NLRP8: variants seen among roughly 807,000 people sequenced by gnomAD.
The protein encoded by NLRP8 is NACHT, LRR and PYD domains-containing protein 8.
NLRP8 carries 86 observed loss-of-function variants against 88.7 expected under a neutral mutation model. The ratio of observed to expected loss-of-function variants is 0.97; its 90% CI spans 0.81 to 1.16. The LOEUF (loss-of-function observed/expected upper bound fraction) is 1.16, where lower values mean the gene tolerates loss of function less well. NLRP8 is among the 50% of genes most tolerant of loss of function. The pLI, the probability that NLRP8 is intolerant of heterozygous loss-of-function variation, is 0.00. For synonymous variants in NLRP8, 504 were observed against 494.6 expected (o/e 1.02, Z -0.25); for missense variants, 1,342 against 1,286.5 (o/e 1.04, Z -0.66).
chr19:55,950,505 C>T (rs2123181310), intron 1 of NLRP8, among the ~76,000 whole-genome samples: 1 of 152,198 alleles, frequency 6.6e-6, no homozygotes, highest in Admixed American at 6.5e-5. Context: ...CGTGAATGTG[C>T]CTACTCATTA....
chr19:55,987,134 C>G (rs1214118482), intron 9 of NLRP8, among the ~76,000 whole-genome samples: 1 of 152,106 alleles, frequency 6.6e-6, no homozygotes, highest in African/African-American at 2.4e-5. Flanking sequence ...TTTGGGAGGC[C>G]GAGGCAGGTG....
intron 5 of NLRP8, among the ~76,000 whole-genome samples, chr19:55,968,056 A>G (rs137998111): frequency 6.6e-6 from 1 of 152,358 alleles, no homozygotes; most frequent in Admixed American, 6.5e-5. Context: ...CTGTGTTCCA[A>G]TAAAACTTTA....
chr19:55,979,557 G>A lies in NLRP8; in HGVS notation c.3040G>A (p.Val1014Ile). ...CTCAAGCCAAAAGAAGAGAGAAGAGGTCATTTTGTAAGTCTCCACCGGGTT... is the reference window on the plus strand; with the variant it reads ...CTCAAGCCAAAAGAAGAGAGAAGAGATCATTTTGTAAGTCTCCACCGGGTT... Residue 1014 changes from valine (V) to isoleucine (I), a missense_variant, in exon 9 of 10, where the codon GTC (valine) becomes ATC (isoleucine). By Grantham distance (29) the Val-to-Ile change is conservative. Transcript: ENST00000291971. The A allele has an allele frequency of 1.2e-6, 2 of 1,614,148 alleles. No homozygotes were observed. Among genetic ancestry groups the A allele is most frequent in the Non-Finnish European group, 1.7e-6 (2 of 1,180,018 alleles).
intron 9 of NLRP8, among the ~76,000 whole-genome samples, chr19:55,986,775 A>C (rs945687785): frequency 6.6e-6 from 1 of 151,570 alleles, no homozygotes; most frequent in Non-Finnish European, 1.5e-5. Flanking sequence ...CGTGATTGCC[A>C]GCTGGCCCAG....
At chr19:55,978,566 C>A (rs1337057964) in intron 8 of NLRP8, among the ~76,000 whole-genome samples, 2 of 152,084 alleles carry the variant, frequency 1.3e-5, no homozygotes, top group African/African-American at 4.8e-5. Flanking sequence ...TATACAGCCA[C>A]TCATCCCACT....
At chr19:55,981,766 C>A (rs1600318602) in intron 9 of NLRP8, among the ~76,000 whole-genome samples, 1 of 152,306 alleles carries the variant, frequency 6.6e-6, no homozygotes, top group African/African-American at 2.4e-5. Context: ...TAACTAACTA[C>A]TACATTCTTA....
rs116814248 is a variant in NLRP8 at position 55,957,084 on chromosome 19, C to T, written c.2042+984C>T. On this transcript the variant is annotated intron_variant, in intron 3 of 9. Coordinates refer to ENST00000291971, the MANE Select transcript of NLRP8 (RefSeq NM_176811.2). Reference sequence around the variant, plus strand: ...CTGGAATTACAGGCATGAGCCGCTGCGCCCAGCCTCACTCCTACTTTTGTG... The same window carrying T: ...CTGGAATTACAGGCATGAGCCGCTGTGCCCAGCCTCACTCCTACTTTTGTG... 6.4e-3 allele frequency among the ~76,000 whole-genome samples: 977 copies of T among 152,280 alleles called. 13 individuals carry two copies. The highest frequency in any genetic ancestry group is 0.018 in the African/African-American group (767 of 41,546).
At chr19:55,986,504 ACACACT>A (rs1980846055) in intron 9 of NLRP8, among the ~76,000 whole-genome samples, 16 of 151,232 alleles carry the variant, frequency 1.1e-4, no homozygotes, top group African/African-American at 3.2e-4. Flanking sequence ...ACACACACAC[ACACACT>A]AATTGCTTCA....
chr19:55,963,898 C>A (rs919043023), intron 4 of NLRP8, among the ~76,000 whole-genome samples: 1 of 152,114 alleles, frequency 6.6e-6, no homozygotes, highest in East Asian at 1.9e-4. Context: ...GCGTTGCCCA[C>A]CGTCTGCTAG....
chr19:55,970,813 TA>T (rs1468416448), intron 6 of NLRP8, 117 bp downstream of exon 6: 1 of 1,331,306 alleles, frequency 7.5e-7, no homozygotes, highest in Non-Finnish European at 1.0e-6. Flanking sequence ...GGAGCAAACA[TA>T]AGTCTTGTGA....
intron 4 of NLRP8, among the ~76,000 whole-genome samples, chr19:55,964,530 T>C (rs1160796536): frequency 1.3e-5 from 2 of 152,120 alleles, no homozygotes; most frequent in Admixed American, 1.3e-4. Context: ...GGTGGGCGGA[T>C]TGCCTGAGCT....
intron 9 of NLRP8, among the ~76,000 whole-genome samples, chr19:55,984,817 A>G (rs1213711633): frequency 1.3e-5 from 2 of 152,192 alleles, no homozygotes; most frequent in Non-Finnish European, 2.9e-5. Context: ...AGCCTGGGCA[A>G]CAGAGTGAGA....
chr19:55,954,680 A>C lies in NLRP8; in HGVS notation c.622A>C (p.Ile208Leu). 1.2e-6 allele frequency: 2 copies of C among 1,614,188 alleles called. No individual in the cohort carries two copies. Among genetic ancestry groups the C allele is most frequent in the Non-Finnish European group, 1.7e-6 (2 of 1,180,024 alleles). Residue 208 changes from isoleucine (I) to leucine (L), a missense_variant, in exon 3 of 10, where the codon ATA becomes CTA. Ile to Leu is a conservative substitution (Grantham distance 5). Coordinates refer to ENST00000291971, the MANE Select transcript of NLRP8 (RefSeq NM_176811.2). ...GGGTAGACAGCCCAAGACCGTGGCCATACAGGGAGCTCCTGGGATCGGAAA... is the reference window on the plus strand; with the variant it reads ...GGGTAGACAGCCCAAGACCGTGGCCCTACAGGGAGCTCCTGGGATCGGAAA...
chr19:55,965,133 C>A (rs990075474), intron 4 of NLRP8, among the ~76,000 whole-genome samples: 1 of 151,890 alleles, frequency 6.6e-6, no homozygotes, highest in Admixed American at 6.6e-5. Context: ...AAAAATTTTT[C>A]TAAAAAGAAA....
At chr19:55,983,073 C>T (rs962010837) in intron 9 of NLRP8, among the ~76,000 whole-genome samples, 69 of 152,100 alleles carry the variant, frequency 4.5e-4, no homozygotes, top group Non-Finnish European at 1.5e-4. Flanking sequence ...GGATGACAGT[C>T]GTGAGACCTT....
chr19:55,962,587 C>A (rs778953371), intron 4 of NLRP8, among the ~76,000 whole-genome samples: 1 of 152,138 alleles, frequency 6.6e-6, no homozygotes, highest in Non-Finnish European at 1.5e-5. Context: ...CACTTCAATG[C>A]GCCCATCCAT....
rs1269234500 is a variant in NLRP8, at chr19:55,988,415, T to C, written c.*502T>C. 3.0e-5 allele frequency: 4 copies of C among 134,716 alleles called. No homozygotes were observed. Among genetic ancestry groups the C allele is most frequent in the Non-Finnish European group, 6.2e-5 (4 of 64,616 alleles). 8.3% of individuals were successfully genotyped at this position (134,716 alleles called of 1,614,324 possible). ...GTCTCAAGAAGAAAAAAAAAATACA[T>C]ATACACATAAATATATATATGTGTG... On this transcript the variant is annotated 3_prime_UTR_variant, in exon 10 of 10. Coordinates refer to ENST00000291971, the MANE Select transcript of NLRP8 (RefSeq NM_176811.2).
chr19:55,981,057 A>G lies in NLRP8; in HGVS notation c.3047+1493A>G, dbSNP rs1568469733. Among the ~76,000 whole-genome samples, 1 of 152,168 alleles carries G rather than the reference A, an allele frequency of 6.6e-6. No individual in the cohort carries two copies. Among genetic ancestry groups the G allele is most frequent in the Non-Finnish European group, 1.5e-5 (1 of 68,018 alleles). The stretch of plus-strand genomic sequence containing the variant: ...ACAAAACCTTGTTTTTATCCTTCCC[A>G]GGGAGAAGAAAGACAGCAATGAAGT... On this transcript the variant is annotated intron_variant, in intron 9 of 9. Coordinates refer to ENST00000291971, the MANE Select transcript of NLRP8 (RefSeq NM_176811.2).
At chr19:55,957,022 G>C (rs1238837053) in intron 3 of NLRP8, among the ~76,000 whole-genome samples, 3 of 151,954 alleles carry the variant, frequency 2.0e-5, no homozygotes, top group Admixed American at 1.3e-4. Context: ...TCAACTCCCG[G>C]CCTCAAGCAA....
Sources: gnomAD v4.1 joint callset for allele counts (sites outside exome capture counted in the v4.1 genomes callset) on GRCh38, gnomAD v4.1.1 for gene constraint, MANE v1.5 for transcripts, NCBI Gene and HGNC (gene_info 2026-07-23, HGNC 2026-07-21) for gene names.